The following EHBP1 variants were observed in gnomAD, a reference collection of about 807,000 sequenced individuals.
EHBP1 encodes EH domain binding protein 1.
EHBP1 carries 55 observed loss-of-function variants against 144.0 expected under a neutral mutation model. The ratio of observed to expected loss-of-function variants is 0.38; its 90% CI spans 0.31 to 0.48. The LOEUF (loss-of-function observed/expected upper bound fraction) is 0.48, where lower values mean the gene tolerates loss of function less well. EHBP1 is among the 20% of genes least tolerant of loss of function. The probability of loss-of-function intolerance (pLI) is 0.98; values close to 1 mark genes in which losing one functional copy is unlikely to be tolerated. For missense variants in EHBP1, 1,200 were observed against 1,364.2 expected (o/e 0.88, Z 1.90); for synonymous variants, 469 against 472.7 (o/e 0.99, Z 0.10).
chr2:62,938,999 A>C (rs547390583), intron 10 of EHBP1, among the ~76,000 whole-genome samples: 1 of 152,286 alleles, frequency 6.6e-6, no homozygotes, highest in Admixed American at 6.5e-5. Flanking sequence ...TAAGTGTTTT[A>C]CATGCATTTT....
intron 3 of EHBP1, among the ~76,000 whole-genome samples, chr2:62,753,642 T>G (rs2039974465): frequency 6.6e-6 from 1 of 152,196 alleles, no homozygotes; most frequent in Non-Finnish European, 1.5e-5. Flanking sequence ...GGTACACCAA[T>G]CAGACGTAGA....
At chr2:62,739,079 A>G (rs181626388) in intron 2 of EHBP1, among the ~76,000 whole-genome samples, 4 of 152,328 alleles carry the variant, frequency 2.6e-5, no homozygotes, top group Admixed American at 1.3e-4. Flanking sequence ...AGCACTTCAT[A>G]TATCTTAACT....
At chr2:62,935,475 C>G (rs915280277) in intron 10 of EHBP1, among the ~76,000 whole-genome samples, 1 of 151,024 alleles carries the variant, frequency 6.6e-6, no homozygotes, top group African/African-American at 2.4e-5. Flanking sequence ...ATTTTTATGC[C>G]ACTATGAATG....
chr2:62,696,442 C>T (rs919474847), intron 1 of EHBP1, among the ~76,000 whole-genome samples: 3 of 150,650 alleles, frequency 2.0e-5, no homozygotes, highest in Non-Finnish European at 3.0e-5. Flanking sequence ...CTACCATGCC[C>T]AGCTTTTTTT....
chr2:62,925,075 C>T (rs2055388849), intron 10 of EHBP1, among the ~76,000 whole-genome samples: 1 of 152,134 alleles, frequency 6.6e-6, no homozygotes, highest in Non-Finnish European at 1.5e-5. Flanking sequence ...CAATAAATGT[C>T]ATACATCACA....
intron 5 of EHBP1, among the ~76,000 whole-genome samples, chr2:62,818,169 T>C (rs967361425): frequency 1.6e-5 from 2 of 126,150 alleles, no homozygotes; most frequent in Non-Finnish European, 3.4e-5. Context: ...TCTGGTTAAG[T>C]CAGTGAGTGA....
chr2:62,731,414 A>G (rs1220197548), intron 2 of EHBP1, among the ~76,000 whole-genome samples: 1 of 151,986 alleles, frequency 6.6e-6, no homozygotes, highest in Admixed American at 6.6e-5. Flanking sequence ...TTCTTGTCTT[A>G]TTGCATTAGC....
At chr2:62,688,805 A>C (rs896138143) in intron 1 of EHBP1, among the ~76,000 whole-genome samples, 2 of 152,200 alleles carry the variant, frequency 1.3e-5, no homozygotes, top group African/African-American at 4.8e-5. Context: ...AACACTTCTG[A>C]AATGGGCAAA....
At chr2:63,004,007 G>C (rs1443307304) in intron 19 of EHBP1, among the ~76,000 whole-genome samples, 1 of 152,016 alleles carries the variant, frequency 6.6e-6, no homozygotes, top group Non-Finnish European at 1.5e-5. Context: ...GTTTTAAACT[G>C]ACTCTTTAAA....
intron 10 of EHBP1, among the ~76,000 whole-genome samples, chr2:62,901,067 A>G (rs2053374316): frequency 6.6e-6 from 1 of 152,192 alleles, no homozygotes; most frequent in Non-Finnish European, 1.5e-5. Flanking sequence ...ATTAAGCCAT[A>G]GGAACAACAG....
chr2:62,843,770 T>C (rs889032378), intron 7 of EHBP1, among the ~76,000 whole-genome samples: 3 of 152,106 alleles, frequency 2.0e-5, no homozygotes, highest in Non-Finnish European at 4.4e-5. Flanking sequence ...TTATTGAAAT[T>C]TAATGCATTA....
At chr2:62,861,393 G>A (rs1257985140) in intron 8 of EHBP1, among the ~76,000 whole-genome samples, 2 of 150,858 alleles carry the variant, frequency 1.3e-5, no homozygotes, top group African/African-American at 4.9e-5. Context: ...CTCCCAAAGT[G>A]CTGGGATTAC....
chr2:62,959,702 G>A (rs890216936), intron 14 of EHBP1, among the ~76,000 whole-genome samples: 14 of 152,098 alleles, frequency 9.2e-5, no homozygotes, highest in Non-Finnish European at 1.9e-4. Flanking sequence ...GTCTATTCAA[G>A]TTCTTAGCCC....
intron 5 of EHBP1, chr2:62,771,711 C>T (rs2041676609): frequency 6.4e-6 from 1 of 155,244 alleles, no homozygotes; most frequent in Non-Finnish European, 1.4e-5. Context: ...ATGTCTTACT[C>T]ATCTTTTTAT....
At chr2:62,794,326 A>G (rs568744436) in intron 5 of EHBP1, among the ~76,000 whole-genome samples, 2 of 152,206 alleles carry the variant, frequency 1.3e-5, no homozygotes, top group East Asian at 3.9e-4. Context: ...AATTGCTACA[A>G]CTAGTATTTC....
rs532942830 is a variant in EHBP1 at position 62,983,469 on chromosome 2, A to G, written c.2608+4134A>G. The stretch of plus-strand genomic sequence containing the variant: ...TATATATGATACATATTTTGTTATT[A>G]TTTATTCCATAGCTTATCACTTTGG... On this transcript the variant is annotated intron_variant, in intron 15 of 22. Transcript: ENST00000431489. Among the ~76,000 whole-genome samples, 5 of 152,184 alleles carry G rather than the reference A, an allele frequency of 3.3e-5. No homozygotes were observed. In the South Asian group the frequency reaches 1.0e-3, roughly 32 times the overall value.
At chr2:62,889,736 A>C (rs1187736954) in intron 10 of EHBP1, among the ~76,000 whole-genome samples, 2 of 151,554 alleles carry the variant, frequency 1.3e-5, no homozygotes, top group African/African-American at 2.4e-5. Flanking sequence ...TGGGTCCTCT[A>C]TTTTTGTTCC....
At chr2:62,795,655 CT>C (rs1217790327) in intron 5 of EHBP1, among the ~76,000 whole-genome samples, 1 of 151,938 alleles carries the variant, frequency 6.6e-6, no homozygotes, top group Admixed American at 6.6e-5. Context: ...ATATTTGCCT[CT>C]TTTTGTATTA....
At chr2:62,835,688 A>G (rs2047169126) in intron 7 of EHBP1, among the ~76,000 whole-genome samples, 1 of 152,202 alleles carries the variant, frequency 6.6e-6, no homozygotes, top group Admixed American at 6.5e-5. Flanking sequence ...GGGAAGCGCA[A>G]GGGGTCAGGG....
Sources: gnomAD v4.1 joint callset for allele counts (sites outside exome capture counted in the v4.1 genomes callset) on GRCh38, gnomAD v4.1.1 for gene constraint, MANE v1.5 for transcripts, NCBI Gene and HGNC (gene_info 2026-07-23, HGNC 2026-07-21) for gene names.